Variants in THUMPD1 observed in about 807,000 individuals in gnomAD.
The protein encoded by THUMPD1 is THUMP domain 1 NAT10 acetyltransferase adaptor, also known as THUMP domain-containing protein 1.
In THUMPD1, 31 loss-of-function variants were observed where a neutral mutation model predicts 31.6. The observed-to-expected ratio is 0.98, with a 90% CI of 0.74 to 1.32. The LOEUF is 1.32. Among genes scored for constraint, THUMPD1 ranks in the 40% most tolerant of loss-of-function variants. THUMPD1 has a pLI of 0.00. For synonymous variants in THUMPD1, 166 were observed against 158.2 expected (o/e 1.05, Z -0.37); for missense variants, 446 against 427.8 (o/e 1.04, Z -0.38).
Position 20,734,161 on chromosome 16 carries a change from C to T in THUMPD1, c.*2719G>A, listed in dbSNP as rs556296656. On this transcript the variant is annotated 3_prime_UTR_variant, in exon 4 of 4. Transcript: ENST00000396083. ...ACAAACTGTATAATCAAAATCTTTC[C>T]GTAAAATAGCAGCTTTCACAAAGTA... 18 of 152,646 alleles carry T rather than the reference C, an allele frequency of 1.2e-4. 1 individual carries two copies. The highest frequency in any genetic ancestry group is 3.9e-4 in the Admixed American group (6 of 15,286). 9.5% of individuals were successfully genotyped at this position (152,646 alleles called of 1,614,324 possible).
At position 20,736,119 on chromosome 16, in the gene THUMPD1, G is replaced by A. The variant is rs1220994922; in HGVS notation, c.*761C>T. ...CTAGTTTTGTAAGTTGCATGTCACA[G>A]ACAATGCACAATGGGACAGGAGAGC... is the stretch of plus-strand genomic sequence containing the variant. On this transcript the variant is annotated 3_prime_UTR_variant, in exon 4 of 4. Coordinates refer to ENST00000396083, the MANE Select transcript of THUMPD1 (RefSeq NM_017736.5). The A allele has an allele frequency of 6.6e-6, 1 of 152,158 alleles. No homozygotes were observed. The highest frequency in any genetic ancestry group is 1.5e-5 in the Non-Finnish European group (1 of 68,012). 9.4% of individuals were successfully genotyped at this position (152,158 alleles called of 1,614,324 possible).
Position 20,736,378 on chromosome 16 carries a change from T to TAA in THUMPD1, c.*500_*501dup, listed in dbSNP as rs33947944. On this transcript the variant is annotated 3_prime_UTR_variant, in exon 4 of 4. Transcript: ENST00000396083. ...TGTCAGCTATATTACACACAAATGT[T>TAA]AAAAAAAAAAAAAAAAAACAGACAT... 0.16 allele frequency: 21,243 copies of TAA among 128,968 alleles called. 1,841 individuals are homozygous for TAA. Among genetic ancestry groups the TAA allele is most frequent in the East Asian group, 0.29 (1,283 of 4,458 alleles). The allele number at this position is 128,968 out of a possible 1,614,324, so 8.0% of individuals were successfully genotyped here.
rs142407123 is a variant in THUMPD1, at chr16:20,739,050, G to A, written c.253C>T (p.Pro85Ser). The A allele has an allele frequency of 6.5e-4, 1,057 of 1,614,126 alleles. 3 individuals are homozygous for A. Among genetic ancestry groups the A allele is most frequent in the South Asian group, 1.0e-3 (91 of 91,084 alleles). The change falls in exon 2 of 4, where the codon CCC (proline) becomes TCC (serine). Residue 85 changes from proline to serine, a missense_variant. Coordinates refer to ENST00000396083, the MANE Select transcript of THUMPD1 (RefSeq NM_017736.5). ...TCATCCTCTCCCTCACTTCCAGAGGGCTGCTGATCCTTGTCTGTAAACTGT... is the reference window on the plus strand; with the variant it reads ...TCATCCTCTCCCTCACTTCCAGAGGACTGCTGATCCTTGTCTGTAAACTGT... ...PEKFTDKDQQPSGSEGEDDDA... is the reference protein window; with the variant it reads ...PEKFTDKDQQSSGSEGEDDDA...
rs770313290 is a variant in THUMPD1 at position 20,741,725 on chromosome 16, G to A, written c.15C>T (p.Ala5=). MAAP[A]QQTTQPGGGK... Reference sequence around the variant, plus strand: ...CGCCGCCAGGCTGAGTAGTCTGCTGGGCAGGGGCCGCCATGGTGTGCGCAA... The same window carrying A: ...CGCCGCCAGGCTGAGTAGTCTGCTGAGCAGGGGCCGCCATGGTGTGCGCAA... Residue 5 remains alanine, a synonymous_variant, in exon 1 of 4, where the codon GCC becomes GCT. Coordinates refer to ENST00000396083, the MANE Select transcript of THUMPD1 (RefSeq NM_017736.5). 1.9e-6 allele frequency: 3 copies of A among 1,573,326 alleles called. No individual in the cohort carries two copies. Among genetic ancestry groups the A allele is most frequent in the Non-Finnish European group, 8.6e-7 (1 of 1,159,046 alleles).
Position 20,736,813 on chromosome 16 carries a change from G to A in THUMPD1, c.*67C>T. On this transcript the variant is annotated 3_prime_UTR_variant, in exon 4 of 4. Transcript: ENST00000396083. Reference sequence around the variant, plus strand: ...AAAACTGTTTTTAGTCACAATTTAAGGTGGAGCCCCAGCAACATCTCGTAG... The same window carrying A: ...AAAACTGTTTTTAGTCACAATTTAAAGTGGAGCCCCAGCAACATCTCGTAG... 3 of 1,511,678 alleles carry A rather than the reference G, an allele frequency of 2.0e-6. No individual in the cohort carries two copies. Among genetic ancestry groups the A allele is most frequent in the Non-Finnish European group, 2.7e-6 (3 of 1,111,100 alleles). 93.6% of individuals were successfully genotyped at this position (1,511,678 alleles called of 1,614,324 possible). A position where few individuals can be genotyped will look rare whatever the true frequency, so the allele number is the denominator to read the frequency against.
At chr16:20,737,432 A>T in intron 3 of THUMPD1, 146 bp from the exon 4 acceptor site, 1 of 890,374 alleles carries the variant, frequency 1.1e-6, no homozygotes, top group Admixed American at 3.4e-5. Context: ...CTGAACCCTT[A>T]CAATAAATAA....
Position 20,737,287 on chromosome 16 carries a change from C to T in THUMPD1, c.656-1G>A. 1 of 1,601,514 alleles carries T rather than the reference C, an allele frequency of 6.2e-7. No homozygotes were observed. Among genetic ancestry groups the T allele is most frequent in the Non-Finnish European group, 8.5e-7 (1 of 1,173,426 alleles). On this transcript the variant is annotated splice_acceptor_variant, in intron 3 of 3. Transcript: ENST00000396083. LOFTEE classifies it high-confidence loss of function. ...TCTGAATTGAGGGTGCACACTATTC[C>T]TGTAACAAAAACAGAAAAACACATA... is the stretch of plus-strand genomic sequence containing the variant.
Position 20,734,663 on chromosome 16 carries a change from T to C in THUMPD1, c.*2217A>G, listed in dbSNP as rs1267237306. 2 of 152,170 alleles carry C rather than the reference T, an allele frequency of 1.3e-5. No individual in the cohort carries two copies. The highest frequency in any genetic ancestry group is 4.8e-5 in the African/African-American group (2 of 41,438). The allele number at this position is 152,170 out of a possible 1,614,324, so 9.4% of individuals were successfully genotyped here. A position where few individuals can be genotyped will look rare whatever the true frequency, so the allele number is the denominator to read the frequency against. On this transcript the variant is annotated 3_prime_UTR_variant, in exon 4 of 4. Coordinates refer to ENST00000396083, the MANE Select transcript of THUMPD1 (RefSeq NM_017736.5). ...TCCTTAATATTCTTAATCTGGACAG[T>C]TAATTTTGCAGACTTTGTTGGTGTC...
chr16:20,735,300 T>A lies in THUMPD1; in HGVS notation c.*1580A>T, dbSNP rs1046441834. On this transcript the variant is annotated 3_prime_UTR_variant, in exon 4 of 4. Transcript: ENST00000396083. The stretch of plus-strand genomic sequence containing the variant: ...AATTCAAATATCCTGTAGAGAACGC[T>A]TCCTCTGAGAAGCCACTGGATGTCT... The A allele has an allele frequency of 2.0e-5, 3 of 152,154 alleles. No homozygotes were observed. Among genetic ancestry groups the A allele is most frequent in the African/African-American group, 7.2e-5 (3 of 41,442 alleles). 9.4% of individuals were successfully genotyped at this position (152,154 alleles called of 1,614,324 possible). A position where few individuals can be genotyped will look rare whatever the true frequency, so the allele number is the denominator to read the frequency against.
Position 20,737,115 on chromosome 16 carries a change from T to G in THUMPD1, c.827A>C (p.Gln276Pro). 6.2e-7 allele frequency: 1 copy of G among 1,614,248 alleles called. No individual in the cohort carries two copies. The highest frequency in any genetic ancestry group is 2.2e-5 in the East Asian group (1 of 44,890). ...CCCATTTCCCTGCTTTGAGTTAAGC[T>G]GTGACGGATCCTTAGGGCTCTTCAC... ...EVVKSPKDPS[Q>P]LNSKQGNGKE... Residue 276 changes from glutamine (Q) to proline (P), a missense_variant, in exon 4 of 4, where the codon CAG becomes CCG. By Grantham distance (76) the Gln-to-Pro change is moderately conservative. Coordinates refer to ENST00000396083, the MANE Select transcript of THUMPD1 (RefSeq NM_017736.5).
chr16:20,741,809 G>A lies in THUMPD1; in HGVS notation c.-70C>T, dbSNP rs749642087. 1 of 1,543,094 alleles carries A rather than the reference G, an allele frequency of 6.5e-7. No homozygotes were observed. The highest frequency in any genetic ancestry group is 8.7e-7 in the Non-Finnish European group (1 of 1,146,852). On this transcript the variant is annotated 5_prime_UTR_variant, in exon 1 of 4. Transcript: ENST00000396083. Reference sequence around the variant, plus strand: ...GTTGGCGTCCTCGTCTATCGCCGGCGCGAACTGGTGACGTCGGATATGAGC... The same window carrying A: ...GTTGGCGTCCTCGTCTATCGCCGGCACGAACTGGTGACGTCGGATATGAGC...
rs1322648826 is a variant in THUMPD1, at chr16:20,736,140, A to T, written c.*740T>A. ...CACAGACAATGCACAATGGGACAGGAGAGCTTGGACTGAGTCCACATAATA... is the reference window on the plus strand; with the variant it reads ...CACAGACAATGCACAATGGGACAGGTGAGCTTGGACTGAGTCCACATAATA... On this transcript the variant is annotated 3_prime_UTR_variant, in exon 4 of 4. Transcript: ENST00000396083. The T allele has an allele frequency of 6.6e-6, 1 of 152,230 alleles. No homozygotes were observed. The highest frequency in any genetic ancestry group is 1.5e-5 in the Non-Finnish European group (1 of 68,044). 9.4% of individuals were successfully genotyped at this position (152,230 alleles called of 1,614,324 possible).
intron 1 of THUMPD1, among the ~76,000 whole-genome samples, chr16:20,739,288 G>A (rs968935907): frequency 1.3e-5 from 2 of 151,324 alleles, no homozygotes; most frequent in East Asian, 3.9e-4. Context: ...CAATTTTCCT[G>A]CCTCAGCCTC....
chr16:20,736,794 GT>G lies in THUMPD1; in HGVS notation c.*85del. 7.2e-7 allele frequency: 1 copy of G among 1,382,070 alleles called. No individual in the cohort carries two copies. The highest frequency in any genetic ancestry group is 9.9e-7 in the Non-Finnish European group (1 of 1,006,666). The allele number at this position is 1,382,070 out of a possible 1,614,324, so 85.6% of individuals were successfully genotyped here. On this transcript the variant is annotated 3_prime_UTR_variant, in exon 4 of 4. Transcript: ENST00000396083. ...TAATGCAGCACACAAATAAAAAACTGTTTTTAGTCACAATTTAAGGTGGAGC... is the reference window on the plus strand; with the variant it reads ...TAATGCAGCACACAAATAAAAAACTGTTTTAGTCACAATTTAAGGTGGAGC...
In THUMPD1 at chr16:20,737,245, T is replaced by C; in HGVS notation, c.697A>G (p.Thr233Ala). The change falls in exon 4 of 4, where the codon ACC (threonine) becomes GCC (alanine). Residue 233 changes from threonine to alanine, a missense_variant. Thr to Ala is a moderately conservative substitution (Grantham distance 58). Transcript: ENST00000396083. Reference sequence around the variant, plus strand: ...ACTACCACTGTGTACTGTGGATTGGTGAGATCCACTTTATTTTCTGAATTG... The same window carrying C: ...ACTACCACTGTGTACTGTGGATTGGCGAGATCCACTTTATTTTCTGAATTG... ...TLNSENKVDL[T>A]NPQYTVVVEI... 1 of 1,613,990 alleles carries C rather than the reference T, an allele frequency of 6.2e-7. No homozygotes were observed. Among genetic ancestry groups the C allele is most frequent in the Admixed American group, 1.7e-5 (1 of 60,014 alleles).
rs1028460778 is a variant in THUMPD1, at chr16:20,736,634, T to G, written c.*246A>C. 2 of 442,988 alleles carry G rather than the reference T, an allele frequency of 4.5e-6. No homozygotes were observed. Among genetic ancestry groups the G allele is most frequent in the Non-Finnish European group, 8.0e-6 (2 of 248,828 alleles). The allele number at this position is 442,988 out of a possible 1,614,324, so 27.4% of individuals were successfully genotyped here. ...AAGAGGAGCCTGGGAGAGGCCAACA[T>G]CCCCCTCCTATCCTCCCCTCTTTGC... is the stretch of plus-strand genomic sequence containing the variant. On this transcript the variant is annotated 3_prime_UTR_variant, in exon 4 of 4. Coordinates refer to ENST00000396083, the MANE Select transcript of THUMPD1 (RefSeq NM_017736.5).
Position 20,737,740 on chromosome 16 carries a change from A to C in THUMPD1, c.623T>G (p.Val208Gly). Reference sequence around the variant, plus strand: ...TTCTCTGATAACTTCTTCTCTATTCACATGACTGTTATTTCGAGATTTGTA... The same window carrying C: ...TTCTCTGATAACTTCTTCTCTATTCCCATGACTGTTATTTCGAGATTTGTA... Reference protein sequence around the residue: ...IVYKSRNNSHVNREEVIRELA... With the variant: ...IVYKSRNNSHGNREEVIRELA... The change falls in exon 3 of 4, where the codon GTG (valine) becomes GGG (glycine). Residue 208 changes from valine to glycine, a missense_variant. Val to Gly is a moderately radical substitution (Grantham distance 109). Coordinates refer to ENST00000396083, the MANE Select transcript of THUMPD1 (RefSeq NM_017736.5). The C allele has an allele frequency of 6.2e-7, 1 of 1,613,600 alleles. No individual in the cohort carries two copies. The highest frequency in any genetic ancestry group is 8.5e-7 in the Non-Finnish European group (1 of 1,179,806).
At chr16:20,737,321 G>A in intron 3 of THUMPD1, 35 bp from the exon 4 acceptor site, 1 of 1,566,428 alleles carries the variant, frequency 6.4e-7, no homozygotes, top group Non-Finnish European at 8.6e-7. Flanking sequence ...TAGCTGAGGA[G>A]GATACCATTA....
rs779754452 is a variant in THUMPD1 at position 20,739,036 on chromosome 16, C to T, written c.267G>A (p.Glu89=). The T allele has an allele frequency of 8.1e-6, 13 of 1,614,098 alleles. No homozygotes were observed. Among genetic ancestry groups the T allele is most frequent in the Non-Finnish European group, 4.2e-6 (5 of 1,180,048 alleles). ...TDKDQQPSGS[E]GEDDDAEAAL... Reference sequence around the variant, plus strand: ...CAGCCTCCGCATCATCATCCTCTCCCTCACTTCCAGAGGGCTGCTGATCCT... The same window carrying T: ...CAGCCTCCGCATCATCATCCTCTCCTTCACTTCCAGAGGGCTGCTGATCCT... Residue 89 remains glutamate, a synonymous_variant, in exon 2 of 4, where the codon GAG becomes GAA. Coordinates refer to ENST00000396083, the MANE Select transcript of THUMPD1 (RefSeq NM_017736.5).
Sources: allele counts gnomAD v4.1 joint callset (sites outside exome capture counted in the v4.1 genomes callset), GRCh38; gene constraint gnomAD v4.1.1; transcripts MANE v1.5; gene names NCBI Gene and HGNC (gene_info 2026-07-23, HGNC 2026-07-21).